The following FAF1 variants were observed in gnomAD, a reference collection of about 807,000 sequenced individuals.
FAF1 encodes FAS-associated factor 1.
In FAF1, 25 loss-of-function variants were observed where a neutral mutation model predicts 92.5. The observed-to-expected ratio is 0.27, with a 90% confidence interval of 0.20 to 0.38. The LOEUF (loss-of-function observed/expected upper bound fraction) is 0.38, where lower values mean the gene tolerates loss of function less well. Ranked by LOEUF, FAF1 falls within the 10% of genes least tolerant of loss-of-function variation. The pLI, the probability that FAF1 is intolerant of heterozygous loss-of-function variation, is 1.00. For synonymous variants in FAF1, 234 were observed against 273.2 expected (o/e 0.86, Z 1.42); for missense variants, 636 against 793.3 (o/e 0.80, Z 2.38).
intron 8 of FAF1, among the ~76,000 whole-genome samples, chr1:50,645,668 CA>C (rs1389354676): frequency 1.3e-5 from 2 of 151,944 alleles, no homozygotes; most frequent in African/African-American, 2.4e-5. Context: ...ACTAAAAATA[CA>C]AAAATTAGCC....
intron 7 of FAF1, among the ~76,000 whole-genome samples, chr1:50,683,286 G>A (rs1481955355): frequency 6.6e-6 from 1 of 152,112 alleles, no homozygotes; most frequent in Non-Finnish European, 1.5e-5. Flanking sequence ...CAGCACTTTG[G>A]GAGGTCGATG....
intron 1 of FAF1, among the ~76,000 whole-genome samples, chr1:50,918,192 T>A (rs1325309262): frequency 1.4e-5 from 2 of 143,042 alleles, no homozygotes; most frequent in East Asian, 4.2e-4. Flanking sequence ...TTTTTTTTAA[T>A]TTTTTTTTTT....
At chr1:50,814,142 T>C (rs1054466462) in intron 2 of FAF1, among the ~76,000 whole-genome samples, 5 of 152,198 alleles carry the variant, frequency 3.3e-5, no homozygotes. Context: ...CACTGTACTA[T>C]ACTGCAGGTA....
intron 3 of FAF1, among the ~76,000 whole-genome samples, chr1:50,792,404 G>C (rs1331993780): frequency 6.6e-6 from 1 of 152,140 alleles, no homozygotes; most frequent in African/African-American, 2.4e-5. Context: ...CTAAGATATG[G>C]AATGAGGATA....
At chr1:50,938,729 A>T (rs1314290956) in intron 1 of FAF1, among the ~76,000 whole-genome samples, 1 of 152,198 alleles carries the variant, frequency 6.6e-6, no homozygotes, top group Non-Finnish European at 1.5e-5. Context: ...TTAAATCTTT[A>T]ATCCATCTTG....
At chr1:50,592,516 C>G (rs1651568852) in intron 9 of FAF1, among the ~76,000 whole-genome samples, 1 of 152,078 alleles carries the variant, frequency 6.6e-6, no homozygotes, top group Non-Finnish European at 1.5e-5. Context: ...TCTGTAGGGC[C>G]AGAGAGATGA....
intron 5 of FAF1, among the ~76,000 whole-genome samples, chr1:50,741,634 A>C (rs969995336): frequency 2.0e-5 from 3 of 152,232 alleles, no homozygotes; most frequent in African/African-American, 7.2e-5. Flanking sequence ...GCCTGAATTA[A>C]GCAGTTGCAA....
intron 12 of FAF1, among the ~76,000 whole-genome samples, chr1:50,573,394 T>G (rs960445321): frequency 6.6e-6 from 1 of 152,144 alleles, no homozygotes; most frequent in East Asian, 1.9e-4. Flanking sequence ...CCACTGTGCC[T>G]GGCCTGAAGC....
chr1:50,715,264 C>T (rs572902464), intron 6 of FAF1, among the ~76,000 whole-genome samples: 16 of 152,244 alleles, frequency 1.1e-4, no homozygotes, highest in African/African-American at 3.9e-4. Flanking sequence ...AAACATATCA[C>T]CTTATAATTT....
chr1:50,704,936 A>G (rs1201560883), intron 7 of FAF1, among the ~76,000 whole-genome samples: 1 of 152,236 alleles, frequency 6.6e-6, no homozygotes, highest in Non-Finnish European at 1.5e-5. Context: ...TTTCAAAATG[A>G]CATTAAGTGA....
chr1:50,700,777 C>T (rs988515481), intron 7 of FAF1, among the ~76,000 whole-genome samples: 1 of 151,994 alleles, frequency 6.6e-6, no homozygotes, highest in African/African-American at 2.4e-5. Flanking sequence ...TTGCTTCTAT[C>T]GTCTTGAAAT....
At chr1:50,824,009 G>A (rs903184824) in intron 2 of FAF1, among the ~76,000 whole-genome samples, 1 of 152,094 alleles carries the variant, frequency 6.6e-6, no homozygotes, top group African/African-American at 2.4e-5. Context: ...TTAAAATCAT[G>A]TGTTCTGGAA....
At chr1:50,532,232 T>C (rs559599668) in intron 15 of FAF1, among the ~76,000 whole-genome samples, 1 of 152,310 alleles carries the variant, frequency 6.6e-6, no homozygotes, top group African/African-American at 2.4e-5. Context: ...TTCAATTATA[T>C]GGAGCATTGG....
Position 50,439,541 on chromosome 1 carries a change from T to C in FAF1, c.*1899A>G, listed in dbSNP as rs1373419255. The stretch of plus-strand genomic sequence containing the variant: ...AGGTGAGTGGGAGGGAACAATATAA[T>C]GAAGAAACCCAAGTCAGATGGAACA... On this transcript the variant is annotated 3_prime_UTR_variant, in exon 19 of 19. Transcript: ENST00000396153. The C allele has an allele frequency of 6.6e-6, 1 of 152,190 alleles. No individual in the cohort carries two copies. The highest frequency in any genetic ancestry group is 2.4e-5 in the African/African-American group (1 of 41,454). 9.4% of individuals were successfully genotyped at this position (152,190 alleles called of 1,614,324 possible).
intron 1 of FAF1, among the ~76,000 whole-genome samples, chr1:50,911,952 G>A (rs763316075): frequency 2.5e-4 from 38 of 151,756 alleles, no homozygotes; most frequent in African/African-American, 7.0e-4. Context: ...TGGGAGAAAC[G>A]CTTGAGCCTG....
intron 2 of FAF1, among the ~76,000 whole-genome samples, chr1:50,809,396 C>T (rs571108066): frequency 2.2e-4 from 33 of 152,008 alleles, no homozygotes; most frequent in Admixed American, 2.0e-3. Flanking sequence ...AAGATAAAAG[C>T]TCCAAATGAA....
chr1:50,483,860 C>T (rs990891955), intron 17 of FAF1, among the ~76,000 whole-genome samples: 3 of 152,078 alleles, frequency 2.0e-5, no homozygotes, highest in African/African-American at 7.2e-5. Context: ...AAAGATTTTC[C>T]ATTTACTGAG....
intron 7 of FAF1, among the ~76,000 whole-genome samples, chr1:50,674,249 C>A (rs1234716980): frequency 1.3e-5 from 2 of 151,554 alleles, no homozygotes; most frequent in East Asian, 3.9e-4. Flanking sequence ...TTGCTCCGGG[C>A]CCCAAGGCAA....
chr1:50,640,873 C>T (rs990134202), intron 8 of FAF1, among the ~76,000 whole-genome samples: 4 of 113,830 alleles, frequency 3.5e-5, no homozygotes, highest in East Asian at 5.8e-4. Context: ...CTCACTCTGT[C>T]GCCAGGCTGG....
Sources: gnomAD v4.1 joint callset for allele counts (sites outside exome capture counted in the v4.1 genomes callset) on GRCh38, gnomAD v4.1.1 for gene constraint, MANE v1.5 for transcripts, NCBI Gene and HGNC (gene_info 2026-07-23, HGNC 2026-07-21) for gene names.